RGS9: variants seen among roughly 807,000 people sequenced by gnomAD.
RGS9 encodes regulator of G-protein signalling 9.
A neutral mutation model predicts 102.0 loss-of-function variants in RGS9; 78 were observed. The ratio of observed to expected loss-of-function variants is 0.76; its 90% confidence interval spans 0.64 to 0.92. The LOEUF is 0.92. Among genes scored for constraint, RGS9 ranks in the 40% least tolerant of loss-of-function variants. The pLI, the probability that RGS9 is intolerant of heterozygous loss-of-function variation, is 0.00. For missense variants in RGS9, 833 were observed against 866.1 expected (o/e 0.96, Z 0.48); for synonymous variants, 353 against 318.6 (o/e 1.11, Z -1.15).
At position 65,197,229 on chromosome 17, in the gene RGS9, A is replaced by T; in HGVS notation, c.964A>T (p.Lys322Ter). 1 of 1,610,216 alleles carries T rather than the reference A, an allele frequency of 6.2e-7. No individual in the cohort carries two copies. Among genetic ancestry groups the T allele is most frequent in the East Asian group, 2.2e-5 (1 of 44,852 alleles). ...GRQSFQYFLK[K>*]EFSGENLGFW... ...ACAGAGCTTCCAGTACTTCCTCAAG[A>T]AAGAATTCAGTGGTGGGTCTTTGTT... is the stretch of plus-strand genomic sequence containing the variant. The change falls in exon 13 of 19, where the codon AAA (lysine) becomes TAA (stop). Residue 322 changes from lysine (K) to a stop codon, truncating the protein, a stop_gained. Transcript: ENST00000262406. LOFTEE classifies it high-confidence loss of function.
Position 65,225,425 on chromosome 17 carries a change from G to A in RGS9, c.1831G>A (p.Val611Met). 6.2e-7 allele frequency: 1 copy of A among 1,609,922 alleles called. No individual in the cohort carries two copies. Among genetic ancestry groups the A allele is most frequent in the South Asian group, 1.1e-5 (1 of 91,088 alleles). The change falls in exon 18 of 19, where the codon GTG (valine) becomes ATG (methionine). Residue 611 changes from valine to methionine, a missense_variant. By Grantham distance (21) the Val-to-Met change is conservative. Coordinates refer to ENST00000262406, the MANE Select transcript of RGS9 (RefSeq NM_003835.4). ...GTGCCCTGCTGTGTCCCACGGGAGG[G>A]TGCAGCCCCTGGGGGACGTGGGCCA... ...PKCPAVSHGR[V>M]QPLGDVGQQL...
intron 11 of RGS9, 80 bp downstream of exon 11, chr17:65,190,316 C>A: frequency 9.2e-7 from 1 of 1,091,964 alleles, no homozygotes; most frequent in Non-Finnish European, 1.4e-6. Flanking sequence ...CTCGACAAGT[C>A]CTGGGCTGAC....
At chr17:65,210,344 C>T (rs983358394) in intron 16 of RGS9, 144 bp from the exon 17 acceptor site, 3 of 1,008,038 alleles carry the variant, frequency 3.0e-6, no homozygotes, top group Non-Finnish European at 4.7e-6. Context: ...CAAGGTTGGA[C>T]CCCACTGGAG....
At chr17:65,140,290 C>A (rs1279106273) in intron 1 of RGS9, among the ~76,000 whole-genome samples, 1 of 152,038 alleles carries the variant, frequency 6.6e-6, no homozygotes, top group Non-Finnish European at 1.5e-5. Flanking sequence ...TGCTTAGGGA[C>A]ACAGAGCTGA....
In RGS9 at chr17:65,193,737, A is replaced by G. The variant is rs187799572; in HGVS notation, c.860+81A>G. On this transcript the variant is annotated intron_variant, in intron 12 of 18. Transcript: ENST00000262406. ...CATGCCATAAAATTCACCCCTTCAA[A>G]GCATACAGTTCAATGGTTTTTATTA... The G allele has an allele frequency of 9.9e-6, 8 of 805,766 alleles. No homozygotes were observed. In the African/African-American group the frequency reaches 1.2e-4, roughly 12 times the overall value. The allele number at this position is 805,766 out of a possible 1,614,324, so 49.9% of individuals were successfully genotyped here. A position where few individuals can be genotyped will look rare whatever the true frequency, so the allele number is the denominator to read the frequency against.
At chr17:65,208,441 C>A (rs888364644) in intron 16 of RGS9, among the ~76,000 whole-genome samples, 1 of 152,112 alleles carries the variant, frequency 6.6e-6, no homozygotes, top group Non-Finnish European at 1.5e-5. Flanking sequence ...GAAGGGGAAA[C>A]GGACAGTAAC....
At chr17:65,177,863 G>A in intron 9 of RGS9, 60 bp downstream of exon 9, 2 of 1,307,092 alleles carry the variant, frequency 1.5e-6, no homozygotes, top group Non-Finnish European at 2.2e-6. Context: ...CTGGGAAGGT[G>A]TCCACATGTC....
chr17:65,216,508 G>C (rs1411842262), intron 17 of RGS9, among the ~76,000 whole-genome samples: 2 of 152,282 alleles, frequency 1.3e-5, no homozygotes, highest in South Asian at 2.1e-4. Flanking sequence ...GTGGTGGCAG[G>C]CGCCTGTAGT....
chr17:65,211,094 A>T (rs1414688332), intron 17 of RGS9, among the ~76,000 whole-genome samples: 1 of 152,190 alleles, frequency 6.6e-6, no homozygotes, highest in Non-Finnish European at 1.5e-5. Flanking sequence ...GCCTCTCCCC[A>T]TACCCAAGGC....
At position 65,190,183 on chromosome 17, in the gene RGS9, T is replaced by C; in HGVS notation, c.693T>C (p.Tyr231=). 1 of 1,613,462 alleles carries C rather than the reference T, an allele frequency of 6.2e-7. No homozygotes were observed. The highest frequency in any genetic ancestry group is 1.1e-5 in the South Asian group (1 of 91,066). Residue 231 remains tyrosine (Y), a synonymous_variant, in exon 11 of 19, where the codon TAT becomes TAC. Transcript: ENST00000262406. ...AACTGTGTCTCTTCCAGATCATGTATTACCAACAGGCCTTGATGAGGTCCA... is the reference window on the plus strand; with the variant it reads ...AACTGTGTCTCTTCCAGATCATGTACTACCAACAGGCCTTGATGAGGTCCA... The part of the protein sequence containing the change: ...TVVAVKKEIM[Y]YQQALMRSTV...
intron 9 of RGS9, among the ~76,000 whole-genome samples, chr17:65,184,440 T>C (rs1912024731): frequency 6.6e-6 from 1 of 152,192 alleles, no homozygotes; most frequent in Admixed American, 6.5e-5. Flanking sequence ...GGTGGTGTAG[T>C]AGCCCTAATG....
At chr17:65,215,046 G>C (rs1913435886) in intron 17 of RGS9, among the ~76,000 whole-genome samples, 1 of 152,182 alleles carries the variant, frequency 6.6e-6, no homozygotes, top group East Asian at 1.9e-4. Flanking sequence ...GTGGGGTTTT[G>C]TGTCTCAGGG....
intron 9 of RGS9, among the ~76,000 whole-genome samples, chr17:65,187,142 G>GA (rs1912155253): frequency 6.6e-6 from 1 of 152,286 alleles, no homozygotes. Context: ...ATTAAGCTTA[G>GA]AAAATGTCCC....
chr17:65,202,263 G>T (rs910283039), intron 14 of RGS9, among the ~76,000 whole-genome samples, 183 bp downstream of exon 14: 14 of 152,202 alleles, frequency 9.2e-5, no homozygotes, highest in African/African-American at 2.4e-4. Context: ...AGGTTTGGGG[G>T]TTCCCTGAAG....
At chr17:65,206,046 GTGTGATATAGGTTA>G (rs1457795997) in intron 15 of RGS9, among the ~76,000 whole-genome samples, 23 of 152,024 alleles carry the variant, frequency 1.5e-4, no homozygotes, top group Non-Finnish European at 2.9e-4. Flanking sequence ...GATATAGGCT[GTGTGATATAGGTTA>G]TGTGATATAG....
intron 1 of RGS9, among the ~76,000 whole-genome samples, chr17:65,147,829 G>T (rs1910428716): frequency 6.6e-6 from 1 of 151,898 alleles, no homozygotes; most frequent in African/African-American, 2.4e-5. Context: ...GCCATCAAAT[G>T]ATCTGTCTGC....
intron 1 of RGS9, among the ~76,000 whole-genome samples, chr17:65,147,249 ACAGT>A (rs1019693978): frequency 3.0e-4 from 46 of 152,202 alleles, no homozygotes; most frequent in African/African-American, 1.1e-3. Context: ...GAGGAAGCTG[ACAGT>A]CAGTCTTGCA....
intron 15 of RGS9, among the ~76,000 whole-genome samples, chr17:65,205,983 G>T (rs1342731223): frequency 6.6e-6 from 1 of 151,994 alleles, no homozygotes; most frequent in Non-Finnish European, 1.5e-5. Flanking sequence ...GTTACATGAT[G>T]TGGGTTATAT....
At chr17:65,210,795 C>A in intron 17 of RGS9, 190 bp downstream of exon 17, 1 of 937,578 alleles carries the variant, frequency 1.1e-6, no homozygotes. Flanking sequence ...TAACTTTCTT[C>A]ATGGGGGACT....
Sources: allele counts gnomAD v4.1 joint callset (sites outside exome capture counted in the v4.1 genomes callset), GRCh38; gene constraint gnomAD v4.1.1; transcripts MANE v1.5; gene names NCBI Gene and HGNC (gene_info 2026-07-23, HGNC 2026-07-21).